The following USP2 variants were observed in gnomAD, a reference collection of about 807,000 sequenced individuals.
USP2 encodes the protein ubiquitin specific peptidase 2.
In USP2, 33 loss-of-function variants were observed where a neutral mutation model predicts 72.0. The observed-to-expected ratio is 0.46, with a 90% CI of 0.35 to 0.61. USP2 has a LOEUF of 0.61. Among genes scored for constraint, USP2 ranks in the 20% least tolerant of loss-of-function variants. The pLI is 0.01. For missense variants in USP2, 691 were observed against 797.8 expected, an observed-to-expected ratio of 0.87 and a Z score of 1.61; for synonymous variants, 296 against 312.5, an observed-to-expected ratio of 0.95 and a Z score of 0.56.
Position 119,356,101 on chromosome 11 carries a change from C to T in USP2, c.*734G>A, listed in dbSNP as rs1950646127. The T allele has an allele frequency of 1.3e-5, 2 of 150,520 alleles. No homozygotes were observed. The allele number at this position is 150,520 out of a possible 1,614,324, so 9.3% of individuals were successfully genotyped here. On this transcript the variant is annotated 3_prime_UTR_variant, in exon 13 of 13. Transcript: ENST00000260187. ...CAAAACAGAAACTTGTTTTAGATCC[C>T]AGGTCTACTGTGGCTGTGCTTGGGG...
chr11:119,358,325 T>G, intron 7 of USP2, 73 bp from the exon 8 acceptor site: 2 of 984,660 alleles, frequency 2.0e-6, no homozygotes, highest in African/African-American at 4.5e-5. Flanking sequence ...CAGCTTTTAT[T>G]TTTTTTTTTG....
chr11:119,359,443 A>T, intron 4 of USP2, 94 bp downstream of exon 4: 1 of 1,594,860 alleles, frequency 6.3e-7, no homozygotes, highest in Non-Finnish European at 8.5e-7. Context: ...GACAGACAGG[A>T]TAGGAGTGTC....
Position 119,356,490 on chromosome 11 carries a change from C to T in USP2, c.*345G>A, listed in dbSNP as rs567245002. On this transcript the variant is annotated 3_prime_UTR_variant, in exon 13 of 13. Transcript: ENST00000260187. ...CCAGAGGGCGCTGTCCCCTCGGAGG[C>T]GCGGGCGCTGCGGCGGGAAGCGGCG... The T allele has an allele frequency of 4.2e-5, 9 of 214,612 alleles. No individual in the cohort carries two copies. The highest frequency in any genetic ancestry group is 1.4e-4 in the African/African-American group (6 of 43,068). The allele number at this position is 214,612 out of a possible 1,614,324, so 13.3% of individuals were successfully genotyped here.
At chr11:119,372,682 C>A in intron 2 of USP2, 25 bp downstream of exon 2, 1 of 1,506,866 alleles carries the variant, frequency 6.6e-7, no homozygotes, top group Non-Finnish European at 8.8e-7. Context: ...CCCAGCCTAT[C>A]CCCGGTCCCC....
Position 119,359,488 on chromosome 11 carries a change from G to A in USP2, c.949+49C>T, listed in dbSNP as rs547852039. On this transcript the variant is annotated intron_variant, in intron 4 of 12. Coordinates refer to ENST00000260187, the MANE Select transcript of USP2 (RefSeq NM_004205.5). Reference sequence around the variant, plus strand: ...ACACCTAGAACAGCCCCAGTGGAGTGGAGGAGCATCCGGGGGTAGGCAGGG... The same window carrying A: ...ACACCTAGAACAGCCCCAGTGGAGTAGAGGAGCATCCGGGGGTAGGCAGGG... The A allele has an allele frequency of 1.4e-5, 22 of 1,610,800 alleles. No homozygotes were observed. In the African/African-American group the frequency reaches 1.7e-4, roughly 13 times the overall value.
intron 2 of USP2, among the ~76,000 whole-genome samples, chr11:119,368,711 G>C (rs1004249561): frequency 5.3e-5 from 8 of 152,248 alleles, no homozygotes; most frequent in African/African-American, 1.9e-4. Context: ...AATAGGCTGG[G>C]CCAGACTCTG....
intron 2 of USP2, chr11:119,363,998 TGGGGGGC>T: frequency 5.5e-6 from 1 of 180,436 alleles, no homozygotes; most frequent in Non-Finnish European, 6.4e-6. Flanking sequence ...GTGCGCATGC[TGGGGGGC>T]GGGCGGCGGG....
intron 1 of USP2, among the ~76,000 whole-genome samples, chr11:119,373,752 C>CACACAGGA (rs1002614105): frequency 5.9e-5 from 9 of 152,148 alleles, no homozygotes; most frequent in African/African-American, 1.4e-4. Flanking sequence ...TTTTATATGC[C>CACACAGGA]ACACAGGAAG....
At chr11:119,376,139 C>T in intron 1 of USP2, 1 of 981,426 alleles carries the variant, frequency 1.0e-6, no homozygotes, top group Non-Finnish European at 1.2e-6. Flanking sequence ...TGTCTCTCCC[C>T]TCCCGCAACC....
In USP2 at chr11:119,356,035, C is replaced by A; in HGVS notation, c.*800G>T. On this transcript the variant is annotated 3_prime_UTR_variant, in exon 13 of 13. Coordinates refer to ENST00000260187, the MANE Select transcript of USP2 (RefSeq NM_004205.5). ...ACAATTCTTGGAGGCAACTAAATTCCATTCAAAACATTAAAAAAAAAAAAA... is the reference window on the plus strand; with the variant it reads ...ACAATTCTTGGAGGCAACTAAATTCAATTCAAAACATTAAAAAAAAAAAAA... The A allele has an allele frequency of 7.7e-6, 1 of 129,338 alleles. No individual in the cohort carries two copies. The allele number at this position is 129,338 out of a possible 1,614,324, so 8.0% of individuals were successfully genotyped here.
In USP2 at chr11:119,355,997, A is replaced by C. The variant is rs1364411508; in HGVS notation, c.*838T>G. ...AGGGGCAGTTACCCCCTGGTCCCCA[A>C]ATGCTATAAGGCACAATTCTTGGAG... On this transcript the variant is annotated 3_prime_UTR_variant, in exon 13 of 13. Transcript: ENST00000260187. 6.6e-6 allele frequency: 1 copy of C among 151,652 alleles called. No homozygotes were observed. Among genetic ancestry groups the C allele is most frequent in the East Asian group, 1.9e-4 (1 of 5,150 alleles). The allele number at this position is 151,652 out of a possible 1,614,324, so 9.4% of individuals were successfully genotyped here. A position where few individuals can be genotyped will look rare whatever the true frequency, so the allele number is the denominator to read the frequency against.
intron 2 of USP2, 32 bp downstream of exon 2, chr11:119,372,675 A>G (rs752059887): frequency 6.7e-7 from 1 of 1,502,702 alleles, no homozygotes. Flanking sequence ...CTGCCTCCCC[A>G]GCCTATCCCC....
Position 119,356,919 on chromosome 11 carries a change from G to A in USP2, c.1734C>T (p.Val578=). The change falls in exon 13 of 13, where the codon GTC becomes GTT. Residue 578 remains valine (V), a synonymous_variant. Transcript: ENST00000260187. ...GEWHTFNDSS[V]TPMSSSQVRT... ...GCACTTGGCTGGAGGACATGGGAGT[G>A]ACGCTGCGGAGAGAGCGGGGAGTCA... The A allele has an allele frequency of 6.4e-7, 1 of 1,558,164 alleles. No homozygotes were observed. Among genetic ancestry groups the A allele is most frequent in the Non-Finnish European group, 8.7e-7 (1 of 1,151,488 alleles).
intron 2 of USP2, among the ~76,000 whole-genome samples, chr11:119,366,761 G>A (rs1950858269): frequency 6.6e-6 from 1 of 152,160 alleles, no homozygotes; most frequent in Admixed American, 6.5e-5. Context: ...GGCTTGGGGG[G>A]ACCTGCCCAA....
At chr11:119,363,926 C>A in intron 2 of USP2, 3 of 1,080,488 alleles carry the variant, frequency 2.8e-6, no homozygotes, top group Non-Finnish European at 3.4e-6. Context: ...GGCCGCAGCT[C>A]CTTGGCGAGG....
intron 2 of USP2, 59 bp from the exon 3 acceptor site, chr11:119,360,293 GCT>G: frequency 6.4e-7 from 1 of 1,571,124 alleles, no homozygotes; most frequent in Non-Finnish European, 8.7e-7. Context: ...CCTGTGCTGG[GCT>G]CTCTCGTGCA....
At chr11:119,366,075 A>G (rs1393386116) in intron 2 of USP2, among the ~76,000 whole-genome samples, 3 of 151,914 alleles carry the variant, frequency 2.0e-5, no homozygotes, top group African/African-American at 7.3e-5. Context: ...TTGTATTTTT[A>G]GTAGAGACGG....
chr11:119,358,773 C>A lies in USP2; in HGVS notation c.1237G>T (p.Asp413Tyr). 1.2e-6 allele frequency: 2 copies of A among 1,614,092 alleles called. No individual in the cohort carries two copies. The highest frequency in any genetic ancestry group is 1.7e-6 in the Non-Finnish European group (2 of 1,180,030). Residue 413 changes from aspartate (D) to tyrosine (Y), a missense_variant and splice_region_variant, in exon 7 of 13, where the codon GAT becomes TAT. Physicochemically the swap from Asp to Tyr is radical, Grantham distance 160. Coordinates refer to ENST00000260187, the MANE Select transcript of USP2 (RefSeq NM_004205.5). ...GGCATCTTCCCTTTCATGCGCTTACCCCCGATCCTACTGTCTTCCCGTTCT... is the reference window on the plus strand; with the variant it reads ...GGCATCTTCCCTTTCATGCGCTTACACCCGATCCTACTGTCTTCCCGTTCT... ...YLEREDSRIG[D>Y]LFVGQLKSSL...
In USP2 at chr11:119,381,548, G is replaced by A; in HGVS notation, c.-117C>T. ...TGCGGGTGAGTCCCGGCTGGCGCTG[G>A]CGCGGCGCAGTGAGCACCAGCTGAC... On this transcript the variant is annotated 5_prime_UTR_variant, in exon 1 of 13. Coordinates refer to ENST00000260187, the MANE Select transcript of USP2 (RefSeq NM_004205.5). 6.5e-7 allele frequency: 1 copy of A among 1,536,058 alleles called. No homozygotes were observed. The highest frequency in any genetic ancestry group is 8.7e-7 in the Non-Finnish European group (1 of 1,146,868).
Sources: gnomAD v4.1 joint callset for allele counts (sites outside exome capture counted in the v4.1 genomes callset) on GRCh38, gnomAD v4.1.1 for gene constraint, MANE v1.5 for transcripts, NCBI Gene and HGNC (gene_info 2026-07-23, HGNC 2026-07-21) for gene names.